Variants in HCN1 observed in about 807,000 individuals in gnomAD.
HCN1 encodes the protein potassium/sodium hyperpolarization-activated cyclic nucleotide-gated channel 1.
A neutral mutation model predicts 78.9 loss-of-function variants in HCN1; 13 were observed. The ratio of observed to expected loss-of-function variants is 0.16; its 90% CI spans 0.11 to 0.26. The LOEUF is 0.26. HCN1 is among the 10% of genes least tolerant of loss of function. HCN1 has a pLI of 1.00. For synonymous variants in HCN1, 552 were observed against 455.5 expected (o/e 1.21, Z -2.70); for missense variants, 810 against 1,154.3 (o/e 0.70, Z 4.32).
chr5:45,484,810 TC>T (rs1335636267), intron 2 of HCN1, among the ~76,000 whole-genome samples: 1 of 152,180 alleles, frequency 6.6e-6, no homozygotes, highest in African/African-American at 2.4e-5. Flanking sequence ...CAGAAAGTGT[TC>T]AAAGTCAATG....
intron 2 of HCN1, among the ~76,000 whole-genome samples, chr5:45,535,773 G>T (rs977482050): frequency 6.6e-6 from 1 of 152,048 alleles, no homozygotes; most frequent in Non-Finnish European, 1.5e-5. Flanking sequence ...AATATAGTCT[G>T]CAATATGAAA....
intron 3 of HCN1, among the ~76,000 whole-genome samples, chr5:45,402,407 C>T (rs115319706): frequency 0.023 from 3,464 of 152,104 alleles, 61 homozygotes; most frequent in Non-Finnish European, 0.032. Flanking sequence ...GGCAGAGGTG[C>T]TATTAATATC....
chr5:45,462,636 T>G (rs939530182), intron 2 of HCN1, among the ~76,000 whole-genome samples: 1 of 152,086 alleles, frequency 6.6e-6, no homozygotes. Context: ...TTCCATAAAC[T>G]TTTTGTATTT....
chr5:45,367,096 G>C (rs778699217), intron 4 of HCN1, among the ~76,000 whole-genome samples: 2 of 151,794 alleles, frequency 1.3e-5, no homozygotes, highest in Non-Finnish European at 3.0e-5. Flanking sequence ...ACCTACTAAA[G>C]AGTAAGGAGA....
chr5:45,457,887 T>C (rs1426808695), intron 3 of HCN1, among the ~76,000 whole-genome samples: 1 of 152,144 alleles, frequency 6.6e-6, no homozygotes, highest in Non-Finnish European at 1.5e-5. Flanking sequence ...TGTAATCACC[T>C]CTTACTAGAC....
chr5:45,285,297 C>G (rs1454488654), intron 6 of HCN1, among the ~76,000 whole-genome samples: 7 of 152,104 alleles, frequency 4.6e-5, no homozygotes, highest in Middle Eastern at 6.8e-3. Context: ...ATGGCTAATG[C>G]AAAGAATTGA....
At position 45,373,607 on chromosome 5, in the gene HCN1, G is replaced by A. The variant is rs1056343396; in HGVS notation, c.1231-20361C>T. On this transcript the variant is annotated intron_variant, in intron 4 of 7. Coordinates refer to ENST00000303230, the MANE Select transcript of HCN1 (RefSeq NM_021072.4). ...ATAATATATTACATACGGTATATAC[G>A]TCATCTATAATATATTACATACGGT... Among the ~76,000 whole-genome samples the A allele has an allele frequency of 5.3e-5, 7 of 133,280 alleles. No homozygotes were observed. The South Asian group carries it at 1.4e-3, about 26-fold the overall frequency. The allele number at this position is 133,280 out of a possible 152,430, so 87.4% of individuals were successfully genotyped here. A position where few individuals can be genotyped will look rare whatever the true frequency, so the allele number is the denominator to read the frequency against.
At chr5:45,288,197 GA>G (rs1037032905) in intron 6 of HCN1, among the ~76,000 whole-genome samples, 2 of 151,694 alleles carry the variant, frequency 1.3e-5, no homozygotes, top group Non-Finnish European at 2.9e-5. Flanking sequence ...CACTATCCAC[GA>G]AAAAAAGTGG....
At chr5:45,695,341 G>C (rs974151463) in intron 1 of HCN1, among the ~76,000 whole-genome samples, 2 of 152,144 alleles carry the variant, frequency 1.3e-5, no homozygotes, top group Admixed American at 6.5e-5. Flanking sequence ...CGTCTCTGAA[G>C]TAAAAGTTTC....
intron 1 of HCN1, among the ~76,000 whole-genome samples, chr5:45,674,119 T>C (rs1746217768): frequency 6.6e-6 from 1 of 151,352 alleles, no homozygotes; most frequent in Admixed American, 6.6e-5. Flanking sequence ...CTAGTTTTCA[T>C]TGGCTTTTAG....
intron 6 of HCN1, among the ~76,000 whole-genome samples, chr5:45,297,262 G>T (rs1260184532): frequency 6.6e-6 from 1 of 152,126 alleles, no homozygotes; most frequent in Non-Finnish European, 1.5e-5. Flanking sequence ...TCATGCTATT[G>T]TTTGTGGCTT....
At chr5:45,326,631 A>T (rs1746238285) in intron 5 of HCN1, among the ~76,000 whole-genome samples, 1 of 151,654 alleles carries the variant, frequency 6.6e-6, no homozygotes, top group Non-Finnish European at 1.5e-5. Context: ...GTCAAAGGTA[A>T]TTAGCCTAAA....
chr5:45,591,235 G>C (rs1744354633), intron 2 of HCN1, among the ~76,000 whole-genome samples: 1 of 152,062 alleles, frequency 6.6e-6, no homozygotes, highest in African/African-American at 2.4e-5. Context: ...ATAAACATTT[G>C]TGTGCAGATT....
chr5:45,277,268 G>A (rs1461473618), intron 6 of HCN1, among the ~76,000 whole-genome samples: 1 of 152,028 alleles, frequency 6.6e-6, no homozygotes, highest in Non-Finnish European at 1.5e-5. Flanking sequence ...TCTATAGTCA[G>A]TTTGCCAAAT....
At chr5:45,355,834 A>C (rs1006633939) in intron 4 of HCN1, among the ~76,000 whole-genome samples, 3 of 152,056 alleles carry the variant, frequency 2.0e-5, no homozygotes, top group Non-Finnish European at 4.4e-5. Context: ...AGAAGGATTA[A>C]ATTTCACAGG....
chr5:45,257,358 T>C lies in HCN1; in HGVS notation c.*4563A>G, dbSNP rs1744637661. On this transcript the variant is annotated 3_prime_UTR_variant, in exon 8 of 8. Transcript: ENST00000303230. Reference sequence around the variant, plus strand: ...CCAATCAGCTGTGCTCTGTTAAACATCCACATTTTAGAAAAGCATGCTTAA... The same window carrying C: ...CCAATCAGCTGTGCTCTGTTAAACACCCACATTTTAGAAAAGCATGCTTAA... 6.6e-6 allele frequency: 1 copy of C among 152,162 alleles called. No individual in the cohort carries two copies. Among genetic ancestry groups the C allele is most frequent in the Non-Finnish European group, 1.5e-5 (1 of 68,030 alleles). The allele number at this position is 152,162 out of a possible 1,614,324, so 9.4% of individuals were successfully genotyped here.
intron 2 of HCN1, among the ~76,000 whole-genome samples, chr5:45,632,837 G>C (rs1049895698): frequency 3.9e-5 from 6 of 152,012 alleles, no homozygotes; most frequent in Admixed American, 3.9e-4. Flanking sequence ...TAGAAGCTGG[G>C]GGGTACAAGT....
intron 5 of HCN1, among the ~76,000 whole-genome samples, chr5:45,325,687 C>G (rs976529901): frequency 2.0e-4 from 30 of 151,718 alleles, no homozygotes; most frequent in African/African-American, 7.0e-4. Flanking sequence ...AGAAAATCAG[C>G]CCATACTAGC....
At chr5:45,355,048 T>A (rs1255497933) in intron 4 of HCN1, among the ~76,000 whole-genome samples, 1 of 152,042 alleles carries the variant, frequency 6.6e-6, no homozygotes, top group Non-Finnish European at 1.5e-5. Flanking sequence ...AGTTATTTTA[T>A]TTTTATGAAG....
Sources: gnomAD v4.1 joint callset for allele counts (sites outside exome capture counted in the v4.1 genomes callset) on GRCh38, gnomAD v4.1.1 for gene constraint, MANE v1.5 for transcripts, NCBI Gene and HGNC (gene_info 2026-07-23, HGNC 2026-07-21) for gene names.